CXADR: variants seen among roughly 807,000 people sequenced by gnomAD.
CXADR encodes CXADR cell adhesion molecule, also known as coxsackievirus and adenovirus receptor.
In CXADR, 20 loss-of-function variants were observed where a neutral mutation model predicts 40.3. That is an observed-to-expected ratio of 0.50 (90% CI 0.35 to 0.72). The LOEUF is 0.72. Among genes scored for constraint, CXADR ranks in the 30% least tolerant of loss-of-function variants. The pLI is 0.01. For missense variants in CXADR, 332 were observed against 449.1 expected (o/e 0.74, Z 2.36); for synonymous variants, 150 against 161.3 (o/e 0.93, Z 0.53).
the CXADR span, chr21:17,613,683 G>T: frequency 2.0e-5 from 3 of 152,236 alleles, no homozygotes; most frequent in Non-Finnish European, 4.4e-5. Context: ...CAGATGCAAA[G>T]CTTCATCTTT....
At chr21:17,540,673 A>G (rs2060815658) in intron 1 of CXADR, among the ~76,000 whole-genome samples, 1 of 152,210 alleles carries the variant, frequency 6.6e-6, no homozygotes, top group African/African-American at 2.4e-5. Flanking sequence ...AGAGAGCATC[A>G]GTGAGTAATA....
At chr21:17,607,744 T>C in the CXADR span, among the ~76,000 whole-genome samples, 2 of 152,212 alleles carry the variant, frequency 1.3e-5, no homozygotes, top group African/African-American at 2.4e-5. Context: ...TAAAAGAGTA[T>C]TTCTGTAGTT....
intron 1 of CXADR, among the ~76,000 whole-genome samples, chr21:17,520,088 G>A (rs775290509): frequency 1.3e-5 from 2 of 152,056 alleles, no homozygotes; most frequent in African/African-American, 2.4e-5. Flanking sequence ...TTCCAACTGC[G>A]TAACTATTCA....
At chr21:17,546,533 G>A (rs940145346) in intron 1 of CXADR, among the ~76,000 whole-genome samples, 8 of 152,150 alleles carry the variant, frequency 5.3e-5, no homozygotes, top group Non-Finnish European at 7.4e-5. Flanking sequence ...GGGAGGTGCT[G>A]CACACTTTTA....
chr21:17,560,419 A>G (rs2061100561), intron 4 of CXADR, among the ~76,000 whole-genome samples: 1 of 152,154 alleles, frequency 6.6e-6, no homozygotes, highest in African/African-American at 2.4e-5. Context: ...TATGTGCCCC[A>G]AGATGGGTTT....
At chr21:17,583,693 G>A (rs2061376067) in intron 7 of CXADR, among the ~76,000 whole-genome samples, 1 of 152,194 alleles carries the variant, frequency 6.6e-6, no homozygotes, top group African/African-American at 2.4e-5. Flanking sequence ...AGAAATAAAT[G>A]TATAATCCTC....
At position 17,569,681 on chromosome 21, in the gene CXADR, A is replaced by T; in HGVS notation, c.*3989A>T. On this transcript the variant is annotated 3_prime_UTR_variant, in exon 7 of 7. Transcript: ENST00000284878. ...AGATAACCCCAGCCTCTTATTCATT[A>T]TGGTTAACTTTTATAATTTATCTTA... 2.1e-6 allele frequency: 2 copies of T among 969,050 alleles called. No individual in the cohort carries two copies. Among genetic ancestry groups the T allele is most frequent in the Non-Finnish European group, 2.5e-6 (2 of 815,170 alleles). The allele number at this position is 969,050 out of a possible 1,614,324, so 60.0% of individuals were successfully genotyped here. A position where few individuals can be genotyped will look rare whatever the true frequency, so the allele number is the denominator to read the frequency against.
chr21:17,585,148 C>G (rs2061386091), intron 7 of CXADR, among the ~76,000 whole-genome samples: 1 of 152,040 alleles, frequency 6.6e-6, no homozygotes. Flanking sequence ...CTGAGATTAA[C>G]TTGGCTGTTT....
chr21:17,563,965 A>G (rs943362158), intron 6 of CXADR, among the ~76,000 whole-genome samples: 1 of 132,884 alleles, frequency 7.5e-6, no homozygotes, highest in African/African-American at 2.7e-5. Flanking sequence ...AAAAAAAGGT[A>G]TTGATACATT....
At position 17,519,691 on chromosome 21, in the gene CXADR, T is replaced by A. The variant is rs117490994; in HGVS notation, c.43+6519T>A. On this transcript the variant is annotated intron_variant, in intron 1 of 6. Coordinates refer to ENST00000284878, the MANE Select transcript of CXADR (RefSeq NM_001338.5). ...CCATAGTCAATCTTGACCTTAAACC[T>A]GGGTGACCTCTTGTATCCATCATGG... is the stretch of plus-strand genomic sequence containing the variant. Among the ~76,000 whole-genome samples the A allele has an allele frequency of 4.6e-5, 7 of 152,304 alleles. No individual in the cohort carries two copies. The East Asian group carries it at 1.4e-3, about 29-fold the overall frequency.
intron 6 of CXADR, among the ~76,000 whole-genome samples, chr21:17,561,916 G>C (rs1476832733): frequency 2.0e-5 from 3 of 152,118 alleles, no homozygotes; most frequent in African/African-American, 7.2e-5. Flanking sequence ...GTGCATATTA[G>C]ATAATAGAAT....
intron 1 of CXADR, among the ~76,000 whole-genome samples, chr21:17,536,545 C>G (rs548268122): frequency 7.4e-4 from 112 of 152,222 alleles, no homozygotes; most frequent in Middle Eastern, 3.4e-3. Context: ...TTCTACTTGT[C>G]CAAGGCTGGA....
chr21:17,627,998 C>T, the CXADR span, among the ~76,000 whole-genome samples: 4 of 152,076 alleles, frequency 2.6e-5, no homozygotes, highest in African/African-American at 9.7e-5. Flanking sequence ...CTTTTTTTCA[C>T]ACTAATGTAG....
the CXADR span, among the ~76,000 whole-genome samples, chr21:17,615,971 C>T: frequency 1.3e-5 from 2 of 152,160 alleles, no homozygotes; most frequent in Admixed American, 6.5e-5. Context: ...AAACAGTCGG[C>T]GGGTCGTGGT....
chr21:17,531,026 G>A (rs529569847), intron 1 of CXADR, among the ~76,000 whole-genome samples: 9 of 152,070 alleles, frequency 5.9e-5, no homozygotes, highest in African/African-American at 1.9e-4. Context: ...GCGGTCAGGC[G>A]CAGTGGCTCA....
chr21:17,618,614 T>C, the CXADR span, among the ~76,000 whole-genome samples: 1 of 152,122 alleles, frequency 6.6e-6, no homozygotes, highest in African/African-American at 2.4e-5. Flanking sequence ...CTTGGCTCAC[T>C]GCAACCTTTG....
chr21:17,574,992 T>TAC (rs56727668), downstream of CXADR, among the ~76,000 whole-genome samples: 918 of 148,634 alleles, frequency 6.2e-3, 13 homozygotes, highest in African/African-American at 0.021. Flanking sequence ...ATTACATATA[T>TAC]ACACACACAT....
At chr21:17,533,064 C>T (rs1183309233) in intron 1 of CXADR, among the ~76,000 whole-genome samples, 2 of 152,032 alleles carry the variant, frequency 1.3e-5, no homozygotes, top group Non-Finnish European at 2.9e-5. Flanking sequence ...TCAGGGAAGG[C>T]TTCTTGTTGG....
intron 1 of CXADR, among the ~76,000 whole-genome samples, chr21:17,544,927 T>G (rs936872860): frequency 6.6e-6 from 1 of 152,280 alleles, no homozygotes; most frequent in South Asian, 2.1e-4. Flanking sequence ...AAGCTTATTT[T>G]AGGACTAATG....
Sources: gnomAD v4.1 joint callset for allele counts (sites outside exome capture counted in the v4.1 genomes callset) on GRCh38, gnomAD v4.1.1 for gene constraint, MANE v1.5 for transcripts, NCBI Gene and HGNC (gene_info 2026-07-23, HGNC 2026-07-21) for gene names.